The following LMO7 variants were observed in gnomAD, a reference collection of about 807,000 sequenced individuals.
LMO7 encodes the protein LIM domain only protein 7.
LMO7 carries 120 observed loss-of-function variants against 206.5 expected under a neutral mutation model. The ratio of observed to expected loss-of-function variants is 0.58; its 90% confidence interval spans 0.50 to 0.68. LMO7 has a LOEUF of 0.68. Ranked by LOEUF, LMO7 falls within the 30% of genes least tolerant of loss-of-function variation. LMO7 has a pLI of 0.00. For synonymous variants in LMO7, 706 were observed against 681.5 expected (o/e 1.04, Z -0.56); for missense variants, 1,959 against 1,957.9 (o/e 1.00, Z -0.01).
At chr13:75,723,369 C>A (rs201265940) in intron 2 of LMO7, among the ~76,000 whole-genome samples, 1 of 122,666 alleles carries the variant, frequency 8.2e-6, no homozygotes, top group East Asian at 2.7e-4. Context: ...ACTAATAAAT[C>A]ACAGGTTAAA....
chr13:75,811,810 AT>A (rs1249516463), intron 11 of LMO7, among the ~76,000 whole-genome samples: 2 of 152,154 alleles, frequency 1.3e-5, no homozygotes, highest in African/African-American at 2.4e-5. Context: ...TTTATGACAA[AT>A]TTTTTTGTAA....
rs57976279 is a variant in LMO7 at position 75,751,149 on chromosome 13, CTTTTTTTTTT to C, written c.211-9763_211-9754del. ...CATGTACTCAGCTCTTTTTTCAGCT[CTTTTTTTTTT>C]TTTTTTTTTTTTTTTTTTTGAGACA... On this transcript the variant is annotated intron_variant, in intron 3 of 30. Transcript: ENST00000377534. 4.0e-4 allele frequency among the ~76,000 whole-genome samples: 24 copies of C among 60,424 alleles called. No individual in the cohort carries two copies. The South Asian group carries it at 6.0e-3, about 15-fold the overall frequency. 39.6% of individuals were successfully genotyped at this position (60,424 alleles called of 152,430 possible). A position where few individuals can be genotyped will look rare whatever the true frequency, so the allele number is the denominator to read the frequency against.
At chr13:75,840,523 A>G in intron 22 of LMO7, 28 bp downstream of exon 22, 1 of 1,609,248 alleles carries the variant, frequency 6.2e-7, no homozygotes, top group Non-Finnish European at 8.5e-7. Flanking sequence ...GGACGGGTAG[A>G]AACTAGGTTG....
intron 3 of LMO7, among the ~76,000 whole-genome samples, chr13:75,733,214 G>T (rs2045444758): frequency 6.6e-6 from 1 of 152,212 alleles, no homozygotes; most frequent in Admixed American, 6.5e-5. Flanking sequence ...GTTTGTCTGT[G>T]CCCTGCCCCC....
At position 75,812,644 on chromosome 13, in the gene LMO7, G is replaced by A. The variant is rs565373475; in HGVS notation, c.1946+3461G>A. Reference sequence around the variant, plus strand: ...GCATAGTAGGCAATCTGCATAGTGGGAGAAGAGAGTAAGACTTTAGCAACC... The same window carrying A: ...GCATAGTAGGCAATCTGCATAGTGGAAGAAGAGAGTAAGACTTTAGCAACC... On this transcript the variant is annotated intron_variant, in intron 11 of 30. Coordinates refer to ENST00000377534, the MANE Select transcript of LMO7 (RefSeq NM_001306080.2). Among the ~76,000 whole-genome samples, 5 of 152,230 alleles carry A rather than the reference G, an allele frequency of 3.3e-5. No homozygotes were observed. In the South Asian group the frequency reaches 1.0e-3, roughly 32 times the overall value.
intron 2 of LMO7, among the ~76,000 whole-genome samples, chr13:75,714,865 T>C (rs1342173674): frequency 6.6e-6 from 1 of 152,076 alleles, no homozygotes; most frequent in East Asian, 1.9e-4. Context: ...CAAACTACTT[T>C]AGCTATTATT....
chr13:75,807,375 C>A, intron 9 of LMO7, 105 bp from the exon 10 acceptor site: 1 of 1,160,736 alleles, frequency 8.6e-7, no homozygotes, highest in Non-Finnish European at 1.2e-6. Flanking sequence ...CCCTCAGTAA[C>A]TGGCTAGTTG....
At position 75,858,073 on chromosome 13, in the gene LMO7, CT is replaced by C; in HGVS notation, c.*133del. ...AAAAAAAGAATAACTTTTTTTGCCT[CT>C]TTAGATTACATAGAAGCATTGTAGT... On this transcript the variant is annotated 3_prime_UTR_variant, in exon 31 of 31. Coordinates refer to ENST00000377534, the MANE Select transcript of LMO7 (RefSeq NM_001306080.2). 1.0e-6 allele frequency: 1 copy of C among 989,460 alleles called. No homozygotes were observed. The highest frequency in any genetic ancestry group is 1.5e-6 in the Non-Finnish European group (1 of 664,070). The allele number at this position is 989,460 out of a possible 1,614,324, so 61.3% of individuals were successfully genotyped here.
chr13:75,709,374 C>T (rs1053905807), intron 1 of LMO7, among the ~76,000 whole-genome samples: 1 of 152,184 alleles, frequency 6.6e-6, no homozygotes, highest in African/African-American at 2.4e-5. Flanking sequence ...AATCACCACA[C>T]TGACTTCCAC....
Position 75,800,829 on chromosome 13 carries a change from C to G in LMO7, c.608C>G (p.Ser203Trp). 3 of 1,613,890 alleles carry G rather than the reference C, an allele frequency of 1.9e-6. No individual in the cohort carries two copies. The highest frequency in any genetic ancestry group is 1.7e-6 in the Non-Finnish European group (2 of 1,179,964). The change falls in exon 7 of 31, where the codon TCG becomes TGG. Residue 203 changes from serine to tryptophan, a missense_variant. Coordinates refer to ENST00000377534, the MANE Select transcript of LMO7 (RefSeq NM_001306080.2). ...DSFESLDSLG[S>W]RSLTSCSSDI... ...TTTGAAAGCTTGGACTCTTTGGGCT[C>G]GAGGTCATTGACAAGCTGCTCCTCT...
intron 11 of LMO7, among the ~76,000 whole-genome samples, chr13:75,814,506 A>T (rs780258567): frequency 5.3e-5 from 8 of 152,194 alleles, no homozygotes; most frequent in Non-Finnish European, 1.0e-4. Flanking sequence ...TTTGATATGG[A>T]TGAGCTGGGA....
intron 1 of LMO7, among the ~76,000 whole-genome samples, chr13:75,697,212 AT>A (rs1207460030): frequency 1.3e-5 from 2 of 151,996 alleles, no homozygotes; most frequent in Non-Finnish European, 2.9e-5. Flanking sequence ...GGCCAAGAAA[AT>A]TTTTTTTGAA....
chr13:75,821,932 G>A (rs902386054), intron 14 of LMO7, among the ~76,000 whole-genome samples: 3 of 152,036 alleles, frequency 2.0e-5, no homozygotes, highest in Admixed American at 6.6e-5. Context: ...TGAAAAATAT[G>A]AAGTTGTCAG....
chr13:75,789,183 C>T (rs1038709853), intron 4 of LMO7: 1 of 152,102 alleles, frequency 6.6e-6, no homozygotes, highest in African/African-American at 2.4e-5. Context: ...TCAAAAATTC[C>T]AGTGTGAGGT....
At position 75,707,437 on chromosome 13, in the gene LMO7, C is replaced by T. The variant is rs74698538; in HGVS notation, c.70-5745C>T. 4.9e-3 allele frequency among the ~76,000 whole-genome samples: 742 copies of T among 152,170 alleles called. 8 individuals are homozygous for T. Among genetic ancestry groups the T allele is most frequent in the African/African-American group, 0.017 (697 of 41,534 alleles). On this transcript the variant is annotated intron_variant, in intron 1 of 30. Coordinates refer to ENST00000377534, the MANE Select transcript of LMO7 (RefSeq NM_001306080.2). Reference sequence around the variant, plus strand: ...TTTCATGTCATTTTCTGTTTTATGGCTATATCATAATATAATCAAGTTCTT... The same window carrying T: ...TTTCATGTCATTTTCTGTTTTATGGTTATATCATAATATAATCAAGTTCTT...
intron 4 of LMO7, among the ~76,000 whole-genome samples, chr13:75,769,950 A>G (rs1325078886): frequency 6.6e-6 from 1 of 152,128 alleles, no homozygotes; most frequent in Non-Finnish European, 1.5e-5. Context: ...TGGCTGACCA[A>G]TCACTAGACT....
intron 3 of LMO7, among the ~76,000 whole-genome samples, chr13:75,743,210 CAAAA>C (rs1262560431): frequency 1.3e-5 from 2 of 152,022 alleles, no homozygotes; most frequent in Non-Finnish European, 2.9e-5. Context: ...ACTAAAAAGT[CAAAA>C]AATAACAGGT....
intron 16 of LMO7, among the ~76,000 whole-genome samples, chr13:75,833,671 A>G (rs1003521907): frequency 7.9e-5 from 12 of 152,162 alleles, no homozygotes; most frequent in Non-Finnish European, 1.6e-4. Flanking sequence ...AAACATTACA[A>G]GGCCTAAAAT....
chr13:75,804,861 C>A, intron 8 of LMO7: 1 of 1,052,150 alleles, frequency 9.5e-7, no homozygotes, highest in Non-Finnish European at 1.1e-6. Flanking sequence ...TTTGATTGAT[C>A]TTAGTGGACA....
Sources: gnomAD v4.1 joint callset for allele counts (sites outside exome capture counted in the v4.1 genomes callset) on GRCh38, gnomAD v4.1.1 for gene constraint, MANE v1.5 for transcripts, NCBI Gene and HGNC (gene_info 2026-07-23, HGNC 2026-07-21) for gene names.